GPATCH2: variants seen among roughly 807,000 people sequenced by gnomAD.
The protein encoded by GPATCH2 is G patch domain-containing protein 2.
A neutral mutation model predicts 58.0 loss-of-function variants in GPATCH2; 51 were observed. The ratio of observed to expected loss-of-function variants is 0.88; its 90% CI spans 0.70 to 1.11. GPATCH2 has a LOEUF of 1.11. GPATCH2 is among the 50% of genes most tolerant of loss of function. The probability of loss-of-function intolerance (pLI) is 0.00; values close to 1 mark genes in which losing one functional copy is unlikely to be tolerated. For synonymous variants in GPATCH2, 222 were observed against 218.5 expected, an observed-to-expected ratio of 1.02 and a Z score of -0.14; for missense variants, 625 against 652.2, an observed-to-expected ratio of 0.96 and a Z score of 0.45.
chr1:217,518,939 G>A (rs1273953436), intron 5 of GPATCH2, among the ~76,000 whole-genome samples: 4 of 152,126 alleles, frequency 2.6e-5, no homozygotes, highest in African/African-American at 4.8e-5. Context: ...CCAGGCTGTC[G>A]GGAGGCACTG....
intron 9 of GPATCH2, among the ~76,000 whole-genome samples, chr1:217,434,484 C>T (rs1297344362): frequency 1.3e-5 from 2 of 152,056 alleles, no homozygotes; most frequent in South Asian, 2.1e-4. Flanking sequence ...TTAAACAGTG[C>T]CTTAGCGTGT....
chr1:217,519,303 A>G (rs1050702152), intron 5 of GPATCH2, among the ~76,000 whole-genome samples: 4 of 152,220 alleles, frequency 2.6e-5, no homozygotes, highest in South Asian at 2.1e-4. Flanking sequence ...GTCACAAATC[A>G]CAAAAAGCAC....
chr1:217,569,830 A>G (rs1383845151), intron 5 of GPATCH2, among the ~76,000 whole-genome samples: 1 of 152,238 alleles, frequency 6.6e-6, no homozygotes, highest in Non-Finnish European at 1.5e-5. Flanking sequence ...ACAAGAGCCC[A>G]AGAGCCCAAA....
intron 8 of GPATCH2, among the ~76,000 whole-genome samples, chr1:217,468,376 T>C (rs1424508557): frequency 6.6e-6 from 1 of 152,040 alleles, no homozygotes; most frequent in Non-Finnish European, 1.5e-5. Flanking sequence ...AAATACCAAT[T>C]ACAGGAAACA....
chr1:217,612,375 T>G (rs1299675378), intron 3 of GPATCH2, among the ~76,000 whole-genome samples: 1 of 152,134 alleles, frequency 6.6e-6, no homozygotes, highest in African/African-American at 2.4e-5. Flanking sequence ...TAAAATCTCT[T>G]ACAACAGACA....
chr1:217,439,383 T>C (rs192703901), intron 9 of GPATCH2, among the ~76,000 whole-genome samples: 22 of 152,206 alleles, frequency 1.4e-4, no homozygotes, highest in East Asian at 3.9e-4. Context: ...TAGAGGGAAA[T>C]TGATAGCACT....
In GPATCH2 at chr1:217,429,549, T is replaced by A. The variant is rs1166082058; in HGVS notation, c.*1596A>T. ...ACCTTTTAAAAACTCTTCTGGGGGC[T>A]GGGCGCTGTGGTTCATGCCTGTAAT... is the stretch of plus-strand genomic sequence containing the variant. On this transcript the variant is annotated 3_prime_UTR_variant, in exon 10 of 10. Transcript: ENST00000366935. The A allele has an allele frequency of 6.6e-6, 1 of 152,048 alleles. No individual in the cohort carries two copies. The highest frequency in any genetic ancestry group is 1.5e-5 in the Non-Finnish European group (1 of 68,034). The allele number at this position is 152,048 out of a possible 1,614,324, so 9.4% of individuals were successfully genotyped here.
At chr1:217,610,129 T>G (rs1668552415) in intron 5 of GPATCH2, 192 bp downstream of exon 5, 1 of 1,549,554 alleles carries the variant, frequency 6.5e-7, no homozygotes, top group Non-Finnish European at 8.7e-7. Flanking sequence ...GTTCAAAACG[T>G]AACTAATTTA....
intron 1 of GPATCH2, among the ~76,000 whole-genome samples, chr1:217,621,695 T>C (rs565762941): frequency 6.6e-6 from 1 of 152,358 alleles, no homozygotes; most frequent in South Asian, 2.1e-4. Flanking sequence ...TCTACAATCA[T>C]GTATAGTCTC....
At chr1:217,547,610 A>C (rs1665128875) in intron 5 of GPATCH2, among the ~76,000 whole-genome samples, 1 of 152,238 alleles carries the variant, frequency 6.6e-6, no homozygotes, top group African/African-American at 2.4e-5. Flanking sequence ...TAGCAAAGAC[A>C]TGGAATAAAC....
At chr1:217,458,547 A>G (rs1039588854) in intron 8 of GPATCH2, among the ~76,000 whole-genome samples, 2 of 152,164 alleles carry the variant, frequency 1.3e-5, no homozygotes, top group Non-Finnish European at 2.9e-5. Context: ...ACCTGCTGTT[A>G]TATCTTAGCT....
At chr1:217,571,703 C>CAAA (rs11463536) in intron 5 of GPATCH2, among the ~76,000 whole-genome samples, 2,605 of 73,468 alleles carry the variant, frequency 0.035, 43 homozygotes, top group South Asian at 0.05. Context: ...AAAACGAAAC[C>CAAA]AAAAAAAAAA....
At chr1:217,463,072 T>A (rs1165280352) in intron 8 of GPATCH2, among the ~76,000 whole-genome samples, 1 of 152,196 alleles carries the variant, frequency 6.6e-6, no homozygotes, top group Non-Finnish European at 1.5e-5. Context: ...AAACTGAATA[T>A]GGCATAATTT....
intron 1 of GPATCH2, among the ~76,000 whole-genome samples, chr1:217,629,385 T>C (rs747890886): frequency 2.0e-5 from 3 of 152,160 alleles, no homozygotes; most frequent in Non-Finnish European, 4.4e-5. Context: ...GTGAGTTGTA[T>C]GACAAGCGAG....
At chr1:217,432,504 C>T (rs1658589861) in intron 9 of GPATCH2, among the ~76,000 whole-genome samples, 1 of 152,168 alleles carries the variant, frequency 6.6e-6, no homozygotes, top group Non-Finnish European at 1.5e-5. Flanking sequence ...CAAGCTTGGG[C>T]TTGTCCTTGG....
At position 217,572,136 on chromosome 1, in the gene GPATCH2, T is replaced by C. The variant is rs562182711; in HGVS notation, c.1098+38185A>G. Among the ~76,000 whole-genome samples the C allele has an allele frequency of 7.9e-5, 12 of 152,214 alleles. No individual in the cohort carries two copies. In the South Asian group the frequency reaches 2.5e-3, roughly 32 times the overall value. ...ACAATCATGTGGCAACTCTATTCCT[T>C]TCATTTGTCTAATATCCTGATACCT... On this transcript the variant is annotated intron_variant, in intron 5 of 9. Transcript: ENST00000366935.
chr1:217,431,044 G>C lies in GPATCH2; in HGVS notation c.*101C>G. ...AAGGAAGCTAGAGTGATGTGTTTGA[G>C]GCAATGTAGATTTTTGCTTCAAAAA... On this transcript the variant is annotated 3_prime_UTR_variant, in exon 10 of 10. Coordinates refer to ENST00000366935, the MANE Select transcript of GPATCH2 (RefSeq NM_018040.5). 1 of 740,024 alleles carries C rather than the reference G, an allele frequency of 1.4e-6. No individual in the cohort carries two copies. The allele number at this position is 740,024 out of a possible 1,614,324, so 45.8% of individuals were successfully genotyped here.
chr1:217,452,201 C>T (rs1659699376), intron 8 of GPATCH2, among the ~76,000 whole-genome samples: 1 of 152,132 alleles, frequency 6.6e-6, no homozygotes, highest in South Asian at 2.1e-4. Flanking sequence ...CTAGGTTTGC[C>T]ATAGTTCAGA....
At position 217,518,616 on chromosome 1, in the gene GPATCH2, A is replaced by C. The variant is rs115314308; in HGVS notation, c.1099-3727T>G. On this transcript the variant is annotated intron_variant, in intron 5 of 9. Transcript: ENST00000366935. ...CTATCTGAGACACAAGAGTCACGTA[A>C]GATTAATACAGAGGCCATTCAATAT... 8.9e-3 allele frequency among the ~76,000 whole-genome samples: 1,349 copies of C among 152,332 alleles called. 8 individuals carry two copies. The highest frequency in any genetic ancestry group is 0.044 in the Middle Eastern group (13 of 294).
Sources: allele counts gnomAD v4.1 joint callset (sites outside exome capture counted in the v4.1 genomes callset), GRCh38; gene constraint gnomAD v4.1.1; transcripts MANE v1.5; gene names NCBI Gene and HGNC (gene_info 2026-07-23, HGNC 2026-07-21).